ZDHHC7: variants seen among roughly 807,000 people sequenced by gnomAD.
The protein encoded by ZDHHC7 is zDHHC palmitoyltransferase 7.
A neutral mutation model predicts 34.1 loss-of-function variants in ZDHHC7; 12 were observed. The ratio of observed to expected loss-of-function variants is 0.35; its 90% CI spans 0.23 to 0.57. The LOEUF (loss-of-function observed/expected upper bound fraction) is 0.57, where lower values mean the gene tolerates loss of function less well. Ranked by LOEUF, ZDHHC7 falls within the 20% of genes least tolerant of loss-of-function variation. The pLI is 0.84. For missense variants in ZDHHC7, 388 were observed against 402.7 expected, an observed-to-expected ratio of 0.96 and a Z score of 0.31; for synonymous variants, 185 against 155.4, an observed-to-expected ratio of 1.19 and a Z score of -1.42.
At chr16:84,987,625 A>G (rs1240786476) in intron 3 of ZDHHC7, among the ~76,000 whole-genome samples, 2 of 152,186 alleles carry the variant, frequency 1.3e-5, no homozygotes, top group Non-Finnish European at 2.9e-5. Flanking sequence ...TGAAACACCC[A>G]TCCACACAAA....
At chr16:84,989,185 A>T (rs2072476201) in intron 3 of ZDHHC7, among the ~76,000 whole-genome samples, 1 of 152,218 alleles carries the variant, frequency 6.6e-6, no homozygotes, top group African/African-American at 2.4e-5. Flanking sequence ...CTTTGCTTCC[A>T]AGTTTGTCCC....
intron 6 of ZDHHC7, 61 bp from the exon 7 acceptor site, chr16:84,977,286 G>T (rs529620519): frequency 1.3e-6 from 2 of 1,593,980 alleles, no homozygotes; most frequent in African/African-American, 2.7e-5. Flanking sequence ...CAGAATGTTT[G>T]GCTCAGAGAA....
At chr16:85,005,900 T>A (rs944080280) in intron 1 of ZDHHC7, among the ~76,000 whole-genome samples, 5 of 152,190 alleles carry the variant, frequency 3.3e-5, no homozygotes, top group African/African-American at 1.2e-4. Context: ...AATTCCTCCA[T>A]TCCTACATGT....
chr16:84,978,064 GTCTCC>G, intron 5 of ZDHHC7, 59 bp from the exon 6 acceptor site: 3 of 1,386,530 alleles, frequency 2.2e-6, no homozygotes, highest in Non-Finnish European at 3.0e-6. Flanking sequence ...TAGAAACAGA[GTCTCC>G]CTCTGTTGTC....
chr16:84,998,414 C>T (rs1295412125), intron 1 of ZDHHC7, among the ~76,000 whole-genome samples: 2 of 152,146 alleles, frequency 1.3e-5, no homozygotes, highest in African/African-American at 4.8e-5. Flanking sequence ...CCTGGCTCCT[C>T]CACTCCATCT....
At chr16:85,016,249 T>G (rs2072833656), upstream of ZDHHC7, among the ~76,000 whole-genome samples, 1 of 151,668 alleles carries the variant, frequency 6.6e-6, no homozygotes, top group Non-Finnish European at 1.5e-5. Flanking sequence ...CTCAAACTCC[T>G]GAGCTCACGT....
the ZDHHC7 span, among the ~76,000 whole-genome samples, chr16:85,017,877 G>C: frequency 1.3e-5 from 2 of 152,224 alleles, no homozygotes; most frequent in African/African-American, 4.8e-5. Flanking sequence ...GTTTGAGGTT[G>C]CTACCTCTAT....
Position 84,975,222 on chromosome 16 carries a change from T to A in ZDHHC7, c.*1121A>T, listed in dbSNP as rs1055251875. On this transcript the variant is annotated 3_prime_UTR_variant, in exon 8 of 8. Coordinates refer to ENST00000313732, the MANE Select transcript of ZDHHC7 (RefSeq NM_017740.3). ...AACAAGAGGGCGCCATCCTGGCCAT[T>A]CCCGACTGGAGCGCTGCCTGCGGTG... 7.9e-5 allele frequency: 12 copies of A among 152,794 alleles called. No individual in the cohort carries two copies. Among genetic ancestry groups the A allele is most frequent in the Non-Finnish European group, 1.2e-4 (8 of 68,060 alleles). 9.5% of individuals were successfully genotyped at this position (152,794 alleles called of 1,614,324 possible).
chr16:84,999,680 A>T (rs545258493), intron 1 of ZDHHC7, among the ~76,000 whole-genome samples: 1 of 152,186 alleles, frequency 6.6e-6, no homozygotes, highest in Non-Finnish European at 1.5e-5. Context: ...TTTAGAAAGA[A>T]ATCAGAATAA....
chr16:84,979,949 C>CTT (rs561019555), intron 4 of ZDHHC7, among the ~76,000 whole-genome samples: 230 of 95,964 alleles, frequency 2.4e-3, no homozygotes, highest in Non-Finnish European at 3.1e-3. Context: ...ATAGCGTCAC[C>CTT]TTTTTTTTTT....
At chr16:84,984,724 G>A (rs1034572441) in intron 3 of ZDHHC7, among the ~76,000 whole-genome samples, 25 of 152,130 alleles carry the variant, frequency 1.6e-4, no homozygotes, top group African/African-American at 6.0e-4. Flanking sequence ...ACCTTGGGCA[G>A]ACAATCAGTG....
Position 84,990,290 on chromosome 16 carries a change from C to G in ZDHHC7, c.315+14G>C. The G allele has an allele frequency of 6.2e-7, 1 of 1,610,724 alleles. No homozygotes were observed. The highest frequency in any genetic ancestry group is 8.5e-7 in the Non-Finnish European group (1 of 1,177,580). Reference sequence around the variant, plus strand: ...GACACAAGAGAGCCACCCAGAGACGCAGCCAGTACTCACAGGGTCGGTGAG... The same window carrying G: ...GACACAAGAGAGCCACCCAGAGACGGAGCCAGTACTCACAGGGTCGGTGAG... On this transcript the variant is annotated intron_variant, in intron 3 of 7. Coordinates refer to ENST00000313732, the MANE Select transcript of ZDHHC7 (RefSeq NM_017740.3).
chr16:85,015,331 C>T (rs2072829661), upstream of ZDHHC7, among the ~76,000 whole-genome samples: 1 of 151,986 alleles, frequency 6.6e-6, no homozygotes, highest in Non-Finnish European at 1.5e-5. Context: ...GAACTCCTGA[C>T]CTCAGGCGAT....
At chr16:85,021,538 G>C in the ZDHHC7 span, among the ~76,000 whole-genome samples, 1 of 151,550 alleles carries the variant, frequency 6.6e-6, no homozygotes, top group Non-Finnish European at 1.5e-5. Flanking sequence ...GTGAAACCTT[G>C]TCTCTACTAA....
In ZDHHC7 at chr16:84,992,703, A is replaced by T. The variant is rs1466131898; in HGVS notation, c.-17-2068T>A. ...TTCTCAGAGCAGGAGCGCTCCTCAT[A>T]TTTTAAGCAGGCAGAGTGCAGAAAC... On this transcript the variant is annotated intron_variant, in intron 2 of 7. Coordinates refer to ENST00000313732, the MANE Select transcript of ZDHHC7 (RefSeq NM_017740.3). 3.3e-5 allele frequency among the ~76,000 whole-genome samples: 5 copies of T among 152,136 alleles called. No individual in the cohort carries two copies. In the East Asian group the frequency reaches 9.6e-4, roughly 29 times the overall value.
At chr16:84,990,202 G>T in intron 3 of ZDHHC7, 102 bp downstream of exon 3, 1 of 1,348,146 alleles carries the variant, frequency 7.4e-7, no homozygotes, top group South Asian at 1.4e-5. Context: ...CCACACCCAT[G>T]TCAATATGTC....
chr16:85,012,459 A>T (rs1360377075), upstream of ZDHHC7, among the ~76,000 whole-genome samples: 3 of 152,124 alleles, frequency 2.0e-5, no homozygotes, highest in Admixed American at 6.6e-5. Context: ...CATATGTCAA[A>T]GATACCATTT....
intron 1 of ZDHHC7, among the ~76,000 whole-genome samples, chr16:84,998,951 C>T (rs947104325): frequency 6.6e-6 from 1 of 152,042 alleles, no homozygotes; most frequent in Admixed American, 6.6e-5. Flanking sequence ...AACAGGGTTT[C>T]ACCATGTTAG....
Position 84,974,721 on chromosome 16 carries a change from T to A in ZDHHC7, c.*1622A>T, listed in dbSNP as rs1039968145. The A allele has an allele frequency of 1.3e-5, 2 of 152,652 alleles. No individual in the cohort carries two copies. Among genetic ancestry groups the A allele is most frequent in the Non-Finnish European group, 2.9e-5 (2 of 68,044 alleles). 9.5% of individuals were successfully genotyped at this position (152,652 alleles called of 1,614,324 possible). ...CTGGCGTCTCCAGGATCACCCACAC[T>A]TTGTCCCTCTGGCTGTGACGCAGCT... is the stretch of plus-strand genomic sequence containing the variant. On this transcript the variant is annotated 3_prime_UTR_variant, in exon 8 of 8. Coordinates refer to ENST00000313732, the MANE Select transcript of ZDHHC7 (RefSeq NM_017740.3).
Sources: gnomAD v4.1 joint callset for allele counts (sites outside exome capture counted in the v4.1 genomes callset) on GRCh38, gnomAD v4.1.1 for gene constraint, MANE v1.5 for transcripts, NCBI Gene and HGNC (gene_info 2026-07-23, HGNC 2026-07-21) for gene names.